The following RAB6A variants were observed in gnomAD, a reference collection of about 807,000 sequenced individuals.
RAB6A encodes the protein RAB6A, member RAS oncogene family, also known as ras-related protein Rab-6A.
In RAB6A, 8 loss-of-function variants were observed where a neutral mutation model predicts 32.3. The ratio of observed to expected loss-of-function variants is 0.25; its 90% CI spans 0.15 to 0.45. RAB6A has a LOEUF of 0.45. RAB6A is among the 20% of genes least tolerant of loss of function. The probability of loss-of-function intolerance (pLI) is 1.00; values close to 1 mark genes in which losing one functional copy is unlikely to be tolerated. For synonymous variants in RAB6A, 73 were observed against 82.1 expected, an observed-to-expected ratio of 0.89 and a Z score of 0.60; for missense variants, 104 against 249.4, an observed-to-expected ratio of 0.42 and a Z score of 3.93.
intron 3 of RAB6A, among the ~76,000 whole-genome samples, chr11:73,719,053 CT>C (rs779383600): frequency 2.0e-4 from 30 of 152,102 alleles, no homozygotes; most frequent in Admixed American, 7.8e-4. Flanking sequence ...CACAAAACTC[CT>C]TTTTCAAAAG....
intron 1 of RAB6A, among the ~76,000 whole-genome samples, chr11:73,744,545 A>G (rs1946553811): frequency 8.8e-6 from 1 of 114,034 alleles, no homozygotes; most frequent in Non-Finnish European, 1.9e-5. Context: ...AAAAAAAAAA[A>G]AAGAATTTTA....
At chr11:73,700,191 A>T (rs1210444872) in intron 6 of RAB6A, among the ~76,000 whole-genome samples, 1 of 152,246 alleles carries the variant, frequency 6.6e-6, no homozygotes, top group Non-Finnish European at 1.5e-5. Context: ...AGAATGTACT[A>T]ATTCCCAGAT....
At chr11:73,680,964 T>A (rs1239046315) in intron 6 of RAB6A, among the ~76,000 whole-genome samples, 5 of 152,212 alleles carry the variant, frequency 3.3e-5, no homozygotes, top group Non-Finnish European at 1.5e-5. Context: ...CAGTTTATAC[T>A]TCTTATATTG....
intron 6 of RAB6A, among the ~76,000 whole-genome samples, chr11:73,694,230 A>G (rs909904290): frequency 6.6e-6 from 1 of 152,338 alleles, no homozygotes; most frequent in African/African-American, 2.4e-5. Flanking sequence ...AAACAATCAA[A>G]TCAAAGAAGG....
At chr11:73,684,395 C>G (rs1477431041) in intron 6 of RAB6A, among the ~76,000 whole-genome samples, 1 of 152,144 alleles carries the variant, frequency 6.6e-6, no homozygotes, top group Non-Finnish European at 1.5e-5. Context: ...TCTCGAACTC[C>G]TGACCTCAAG....
At chr11:73,753,716 A>C (rs969923977) in intron 1 of RAB6A, among the ~76,000 whole-genome samples, 4 of 151,792 alleles carry the variant, frequency 2.6e-5, no homozygotes, top group African/African-American at 9.7e-5. Context: ...GTCTGAAAAA[A>C]AAACAAAAAA....
intron 6 of RAB6A, among the ~76,000 whole-genome samples, chr11:73,686,148 C>G (rs1365386463): frequency 6.6e-6 from 1 of 152,102 alleles, no homozygotes; most frequent in Non-Finnish European, 1.5e-5. Flanking sequence ...CTGAAACTTC[C>G]TTACTTAGGA....
At chr11:73,731,965 T>C (rs180932835) in intron 1 of RAB6A, among the ~76,000 whole-genome samples, 66 of 151,306 alleles carry the variant, frequency 4.4e-4, no homozygotes, top group African/African-American at 1.6e-3. Flanking sequence ...GGTCTTGATC[T>C]CTTGACCCTG....
intron 2 of RAB6A, chr11:73,722,295 A>ATGTGTGTGTGTATGTG (rs1555061974): frequency 4.9e-5 from 4 of 80,810 alleles, no homozygotes; most frequent in African/African-American, 1.5e-4. Flanking sequence ...TCAAATATAT[A>ATGTGTGTGTGTATGTG]TGTGTGTGTG....
At chr11:73,755,668 C>T (rs1206037275) in intron 1 of RAB6A, among the ~76,000 whole-genome samples, 4 of 151,918 alleles carry the variant, frequency 2.6e-5, no homozygotes, top group Non-Finnish European at 5.9e-5. Flanking sequence ...ACTAGGGAGG[C>T]TGAGGCAGGA....
chr11:73,715,083 T>C (rs988014798), intron 5 of RAB6A, among the ~76,000 whole-genome samples: 17 of 152,244 alleles, frequency 1.1e-4, no homozygotes, highest in African/African-American at 3.9e-4. Flanking sequence ...GCAATCACTT[T>C]GAATTTACTT....
chr11:73,696,934 T>C (rs973360962), intron 6 of RAB6A, among the ~76,000 whole-genome samples: 2 of 152,052 alleles, frequency 1.3e-5, no homozygotes, highest in Non-Finnish European at 2.9e-5. Context: ...AGTGAGATCC[T>C]GTCAAATCTC....
At chr11:73,737,146 T>C (rs533277411) in intron 1 of RAB6A, among the ~76,000 whole-genome samples, 1 of 152,278 alleles carries the variant, frequency 6.6e-6, no homozygotes, top group Non-Finnish European at 1.5e-5. Flanking sequence ...TTGAAATGTT[T>C]GGAAATAACA....
intron 1 of RAB6A, among the ~76,000 whole-genome samples, chr11:73,731,309 C>T (rs1438309250): frequency 6.6e-6 from 1 of 151,948 alleles, no homozygotes; most frequent in Non-Finnish European, 1.5e-5. Context: ...CCTTGGGAGG[C>T]CAACGTGGGT....
At chr11:73,708,532 T>C (rs1945887896) in intron 5 of RAB6A, among the ~76,000 whole-genome samples, 2 of 152,192 alleles carry the variant, frequency 1.3e-5, no homozygotes, top group South Asian at 4.1e-4. Context: ...AGCCTCTAGA[T>C]ACAAAATATT....
intron 1 of RAB6A, among the ~76,000 whole-genome samples, chr11:73,731,213 AG>A (rs1946296008): frequency 6.6e-6 from 1 of 152,104 alleles, no homozygotes. Flanking sequence ...TAGTCTTAGA[AG>A]GGGTATGAGG....
intron 1 of RAB6A, among the ~76,000 whole-genome samples, chr11:73,757,335 C>A (rs1946778262): frequency 6.7e-6 from 1 of 149,434 alleles, no homozygotes; most frequent in Non-Finnish European, 1.5e-5. Context: ...TTTGTAGAGA[C>A]CGGGCCATGG....
At chr11:73,692,095 C>T (rs946811315) in intron 6 of RAB6A, among the ~76,000 whole-genome samples, 8 of 152,308 alleles carry the variant, frequency 5.3e-5, no homozygotes, top group Admixed American at 2.6e-4. Flanking sequence ...TAACTATCCA[C>T]AATACTACTC....
intron 5 of RAB6A, among the ~76,000 whole-genome samples, chr11:73,710,412 T>C (rs1248282339): frequency 6.6e-6 from 1 of 151,922 alleles, no homozygotes; most frequent in Non-Finnish European, 1.5e-5. Flanking sequence ...AATAACAATA[T>C]CCAACATCAT....
Sources: allele counts gnomAD v4.1 joint callset (sites outside exome capture counted in the v4.1 genomes callset), GRCh38; gene constraint gnomAD v4.1.1; transcripts MANE v1.5; gene names NCBI Gene and HGNC (gene_info 2026-07-23, HGNC 2026-07-21).